KIF16B: variants seen among roughly 807,000 people sequenced by gnomAD.
KIF16B encodes kinesin-like protein KIF16B.
Under a neutral mutation model 156.3 loss-of-function variants are expected in KIF16B, and 98 were observed. That is an observed-to-expected ratio of 0.63 (90% CI 0.53 to 0.74). The LOEUF is 0.74. Among genes scored for constraint, KIF16B ranks in the 30% least tolerant of loss-of-function variants. The pLI is 0.00. For synonymous variants in KIF16B, 564 were observed against 583.7 expected (o/e 0.97, Z 0.49); for missense variants, 1,421 against 1,606.5 (o/e 0.88, Z 1.97).
chr20:16,415,195 T>C (rs925878945), intron 15 of KIF16B, among the ~76,000 whole-genome samples: 1 of 152,114 alleles, frequency 6.6e-6, no homozygotes, highest in African/African-American at 2.4e-5. Flanking sequence ...ACATGATAAA[T>C]TCCAAAGTAC....
At chr20:16,572,977 C>T (rs912411844) in intron 1 of KIF16B, among the ~76,000 whole-genome samples, 6 of 152,072 alleles carry the variant, frequency 3.9e-5, no homozygotes, top group African/African-American at 1.2e-4. Context: ...GGAACAAGAA[C>T]ATCTCAAGTT....
rs2065031420 is a variant in KIF16B, at chr20:16,379,337, G to T, written c.2665C>A (p.Pro889Thr). The part of the protein sequence containing the change: ...DESVTDVTEV[P>T]QDFEKIKPVE... ...GGCTTTATTTTCTCGAAATCTTGAG[G>T]CACTTCCGTGACATCTGTGACACTC... The change falls in exon 19 of 26, where the codon CCT becomes ACT. Residue 889 changes from proline (P) to threonine (T), a missense_variant. By Grantham distance (38) the Pro-to-Thr change is conservative. Coordinates refer to ENST00000354981, the MANE Select transcript of KIF16B (RefSeq NM_024704.5). The T allele has an allele frequency of 6.2e-7, 1 of 1,605,620 alleles. No individual in the cohort carries two copies. Among genetic ancestry groups the T allele is most frequent in the Non-Finnish European group, 8.5e-7 (1 of 1,176,644 alleles).
chr20:16,526,225 A>T lies in KIF16B; in HGVS notation c.118-20T>A. ...TGGTATCTAGAAAGAAATGATTAGA[A>T]TAATAATGATAATGTAAAGAGCACT... On this transcript the variant is annotated intron_variant, in intron 2 of 25. Transcript: ENST00000354981. The T allele has an allele frequency of 7.3e-7, 1 of 1,371,574 alleles. No individual in the cohort carries two copies. Among genetic ancestry groups the T allele is most frequent in the Non-Finnish European group, 1.0e-6 (1 of 986,382 alleles). The allele number at this position is 1,371,574 out of a possible 1,614,324, so 85.0% of individuals were successfully genotyped here.
In KIF16B at chr20:16,273,425, A is replaced by G; in HGVS notation, c.3796-14T>C. 1 of 1,613,654 alleles carries G rather than the reference A, an allele frequency of 6.2e-7. No homozygotes were observed. The highest frequency in any genetic ancestry group is 1.1e-5 in the South Asian group (1 of 91,058). ...CCTGAGGTATTTCTGTGGAAGAGACAAGAGTTAAGAACATGGTCAATTGGG... is the reference window on the plus strand; with the variant it reads ...CCTGAGGTATTTCTGTGGAAGAGACGAGAGTTAAGAACATGGTCAATTGGG... On this transcript the variant is annotated splice_polypyrimidine_tract_variant and intron_variant, in intron 25 of 25. Transcript: ENST00000354981.
intron 25 of KIF16B, among the ~76,000 whole-genome samples, chr20:16,276,436 A>G (rs571403419): frequency 3.9e-5 from 6 of 152,338 alleles, no homozygotes; most frequent in African/African-American, 1.4e-4. Context: ...AGATAGAATG[A>G]TCTGATTTGA....
At chr20:16,402,515 C>T (rs2065680724) in intron 17 of KIF16B, among the ~76,000 whole-genome samples, 1 of 152,148 alleles carries the variant, frequency 6.6e-6, no homozygotes, top group African/African-American at 2.4e-5. Flanking sequence ...GAAGAAGGGA[C>T]ATTGATTTTT....
At chr20:16,539,739 T>C (rs1396761109) in intron 1 of KIF16B, among the ~76,000 whole-genome samples, 2 of 152,256 alleles carry the variant, frequency 1.3e-5, no homozygotes, top group Admixed American at 6.5e-5. Flanking sequence ...TATTTCTTTA[T>C]TGCAATGGAA....
intron 23 of KIF16B, among the ~76,000 whole-genome samples, chr20:16,352,947 C>G (rs2064367357): frequency 6.6e-6 from 1 of 152,190 alleles, no homozygotes; most frequent in African/African-American, 2.4e-5. Context: ...CAGACCCTGC[C>G]CTGCTGGTCA....
At position 16,301,170 on chromosome 20, in the gene KIF16B, G is replaced by A. The variant is rs927348810; in HGVS notation, c.3795+11165C>T. The stretch of plus-strand genomic sequence containing the variant: ...AAATCTCTTCATGGCTTGAAAGCTC[G>A]TTTCTTTTTAGTGCTACATAACATT... On this transcript the variant is annotated intron_variant, in intron 25 of 25. Coordinates refer to ENST00000354981, the MANE Select transcript of KIF16B (RefSeq NM_024704.5). 7.2e-5 allele frequency among the ~76,000 whole-genome samples: 11 copies of A among 152,056 alleles called. 1 individual carries two copies. The highest frequency in any genetic ancestry group is 4.1e-4 in the South Asian group (2 of 4,822).
chr20:16,362,563 TA>T (rs1015544380), intron 22 of KIF16B, among the ~76,000 whole-genome samples: 5 of 152,272 alleles, frequency 3.3e-5, no homozygotes, highest in South Asian at 4.1e-4. Flanking sequence ...GTCATTCCTA[TA>T]AAAAAATCAA....
chr20:16,352,485 A>G (rs2064356691), intron 23 of KIF16B, among the ~76,000 whole-genome samples: 1 of 152,198 alleles, frequency 6.6e-6, no homozygotes, highest in Non-Finnish European at 1.5e-5. Flanking sequence ...CTCATGGCCC[A>G]GCAGGGGTCA....
chr20:16,506,727 T>C (rs1600572767), intron 7 of KIF16B, among the ~76,000 whole-genome samples: 1 of 152,166 alleles, frequency 6.6e-6, no homozygotes, highest in African/African-American at 2.4e-5. Context: ...TTCTGATCTA[T>C]GTGTTACATT....
intron 1 of KIF16B, among the ~76,000 whole-genome samples, chr20:16,535,618 C>T (rs1336813333): frequency 3.3e-5 from 5 of 152,150 alleles, no homozygotes; most frequent in South Asian, 2.1e-4. Flanking sequence ...ACAATGTTAG[C>T]AGTGGGTTTG....
At chr20:16,337,151 G>A (rs1433919633) in intron 23 of KIF16B, among the ~76,000 whole-genome samples, 4 of 152,192 alleles carry the variant, frequency 2.6e-5, no homozygotes, top group African/African-American at 4.8e-5. Context: ...CTGCATCCCT[G>A]AATGCGCATA....
intron 12 of KIF16B, among the ~76,000 whole-genome samples, chr20:16,431,000 A>C (rs749854864): frequency 3.3e-5 from 5 of 152,136 alleles, no homozygotes; most frequent in Non-Finnish European, 7.4e-5. Context: ...CCAAACCTGC[A>C]GACTATCCCA....
intron 25 of KIF16B, among the ~76,000 whole-genome samples, chr20:16,306,804 C>T (rs1822205444): frequency 6.6e-6 from 1 of 152,094 alleles, no homozygotes; most frequent in African/African-American, 2.4e-5. Context: ...ATCACAGGAC[C>T]AACGAACATT....
At chr20:16,299,587 G>A (rs1473837554) in intron 25 of KIF16B, among the ~76,000 whole-genome samples, 1 of 152,076 alleles carries the variant, frequency 6.6e-6, no homozygotes, top group Non-Finnish European at 1.5e-5. Flanking sequence ...AACCAGAAAG[G>A]GTTGCAAAGA....
At chr20:16,323,444 T>G (rs1004143135) in intron 24 of KIF16B, among the ~76,000 whole-genome samples, 1 of 152,008 alleles carries the variant, frequency 6.6e-6, no homozygotes, top group Non-Finnish European at 1.5e-5. Flanking sequence ...TGGAAGCATT[T>G]CTGACTACTC....
chr20:16,497,399 G>A (rs2068481896), intron 11 of KIF16B, among the ~76,000 whole-genome samples: 1 of 152,170 alleles, frequency 6.6e-6, no homozygotes, highest in African/African-American at 2.4e-5. Context: ...ACCATCATGT[G>A]CCAGACAAAT....
Sources: gnomAD v4.1 joint callset for allele counts (sites outside exome capture counted in the v4.1 genomes callset) on GRCh38, gnomAD v4.1.1 for gene constraint, MANE v1.5 for transcripts, NCBI Gene and HGNC (gene_info 2026-07-23, HGNC 2026-07-21) for gene names.